The following CYP39A1 variants were observed in gnomAD, a reference collection of about 807,000 sequenced individuals.
The protein encoded by CYP39A1 is 24-hydroxycholesterol 7-alpha-hydroxylase.
In CYP39A1, 49 loss-of-function variants were observed where a neutral mutation model predicts 58.1. The observed-to-expected ratio is 0.84, with a 90% CI of 0.67 to 1.07. The LOEUF is 1.07. Among genes scored for constraint, CYP39A1 ranks in the 50% least tolerant of loss-of-function variants. The probability of loss-of-function intolerance (pLI) is 0.00; values close to 1 mark genes in which losing one functional copy is unlikely to be tolerated. For synonymous variants in CYP39A1, 209 were observed against 187.6 expected, an observed-to-expected ratio of 1.11 and a Z score of -0.93; for missense variants, 531 against 539.4, an observed-to-expected ratio of 0.98 and a Z score of 0.16.
chr6:46,568,710 T>C (rs566644931), intron 10 of CYP39A1, among the ~76,000 whole-genome samples: 1 of 152,162 alleles, frequency 6.6e-6, no homozygotes, highest in Non-Finnish European at 1.5e-5. Context: ...TATTCCAGGG[T>C]CTATTTCTGG....
chr6:46,629,146 A>C (rs1228741385), intron 6 of CYP39A1, among the ~76,000 whole-genome samples: 3 of 152,160 alleles, frequency 2.0e-5, no homozygotes, highest in African/African-American at 7.2e-5. Context: ...AGGTGCCAAC[A>C]AGAGCCAGTG....
chr6:46,604,779 A>T (rs930697213), intron 7 of CYP39A1, among the ~76,000 whole-genome samples: 1 of 152,178 alleles, frequency 6.6e-6, no homozygotes, highest in Admixed American at 6.5e-5. Context: ...ATGTATTTTA[A>T]ATAGACTAAG....
At position 46,550,058 on chromosome 6, in the gene CYP39A1, A is replaced by G. The variant is rs775402090; in HGVS notation, c.*308T>C. ...TTTTCATTCAAATGACATTATTTCTATTTAATGTTTTAATACAGTTATGCA... is the reference window on the plus strand; with the variant it reads ...TTTTCATTCAAATGACATTATTTCTGTTTAATGTTTTAATACAGTTATGCA... On this transcript the variant is annotated 3_prime_UTR_variant, in exon 12 of 12. Transcript: ENST00000275016. The G allele has an allele frequency of 4.4e-5, 10 of 229,024 alleles. No individual in the cohort carries two copies. Among genetic ancestry groups the G allele is most frequent in the Admixed American group, 1.7e-4 (3 of 17,686 alleles). The allele number at this position is 229,024 out of a possible 1,614,324, so 14.2% of individuals were successfully genotyped here.
chr6:46,568,481 A>G (rs1368921226), intron 10 of CYP39A1, among the ~76,000 whole-genome samples: 1 of 150,700 alleles, frequency 6.6e-6, no homozygotes, highest in Non-Finnish European at 1.5e-5. Context: ...GCCAAATCCA[A>G]TGTCATAAAG....
In CYP39A1 at chr6:46,550,314, G is replaced by A; in HGVS notation, c.*52C>T. Reference sequence around the variant, plus strand: ...GCTCAGGTCTAGGTGCTGCCAGGTGGGGTAGTGCCACTCCTCCAGAAGGCC... The same window carrying A: ...GCTCAGGTCTAGGTGCTGCCAGGTGAGGTAGTGCCACTCCTCCAGAAGGCC... On this transcript the variant is annotated 3_prime_UTR_variant, in exon 12 of 12. Transcript: ENST00000275016. The A allele has an allele frequency of 6.7e-7, 1 of 1,484,242 alleles. No individual in the cohort carries two copies. Among genetic ancestry groups the A allele is most frequent in the Non-Finnish European group, 9.3e-7 (1 of 1,069,694 alleles). 91.9% of individuals were successfully genotyped at this position (1,484,242 alleles called of 1,614,324 possible).
chr6:46,550,507 T>C, intron 11 of CYP39A1, 70 bp from the exon 12 acceptor site: 1 of 1,382,156 alleles, frequency 7.2e-7, no homozygotes, highest in Non-Finnish European at 9.9e-7. Context: ...CTAAGGTTTA[T>C]TCCATTGTAA....
chr6:46,580,592 T>A (rs971764734), intron 10 of CYP39A1, among the ~76,000 whole-genome samples: 1 of 152,096 alleles, frequency 6.6e-6, no homozygotes, highest in Non-Finnish European at 1.5e-5. Context: ...GAGAAAATAT[T>A]TGGCATATGC....
chr6:46,611,479 A>G (rs139739743), intron 7 of CYP39A1, among the ~76,000 whole-genome samples: 199 of 152,326 alleles, frequency 1.3e-3, no homozygotes, highest in African/African-American at 4.6e-3. Flanking sequence ...ACGTGCACAT[A>G]TTAAATATCC....
intron 7 of CYP39A1, among the ~76,000 whole-genome samples, chr6:46,596,325 A>G (rs999900378): frequency 2.0e-5 from 3 of 152,062 alleles, no homozygotes; most frequent in Non-Finnish European, 2.9e-5. Context: ...GACACAAAAA[A>G]CTAAGCCAAT....
At chr6:46,638,490 TTACTGTAGCA>T (rs1776134391) in intron 3 of CYP39A1, among the ~76,000 whole-genome samples, 1 of 152,160 alleles carries the variant, frequency 6.6e-6, no homozygotes, top group Non-Finnish European at 1.5e-5. Flanking sequence ...AATAAAGTGA[TTACTGTAGCA>T]TACTTAAGAT....
intron 6 of CYP39A1, among the ~76,000 whole-genome samples, chr6:46,627,296 C>T (rs1224739530): frequency 6.6e-6 from 1 of 152,066 alleles, no homozygotes; most frequent in Non-Finnish European, 1.5e-5. Context: ...TTACGCAAAA[C>T]GGATGTTCAT....
intron 10 of CYP39A1, among the ~76,000 whole-genome samples, chr6:46,585,577 T>C (rs547372125): frequency 1.1e-4 from 17 of 152,226 alleles, no homozygotes; most frequent in African/African-American, 3.6e-4. Context: ...GTGTGTTATA[T>C]GATGTCCCTA....
chr6:46,627,898 G>A (rs931007036), intron 6 of CYP39A1, among the ~76,000 whole-genome samples: 1 of 152,136 alleles, frequency 6.6e-6, no homozygotes, highest in African/African-American at 2.4e-5. Context: ...TTGGGAAAGG[G>A]GTTGAAAACT....
chr6:46,588,982 A>G (rs1772647424), intron 8 of CYP39A1, among the ~76,000 whole-genome samples: 1 of 152,122 alleles, frequency 6.6e-6, no homozygotes, highest in African/African-American at 2.4e-5. Context: ...CAAGTTTTAT[A>G]ATTGCTAGAT....
At chr6:46,595,299 A>C (rs1773082088) in intron 8 of CYP39A1, among the ~76,000 whole-genome samples, 2 of 152,046 alleles carry the variant, frequency 1.3e-5, no homozygotes, top group South Asian at 4.1e-4. Context: ...TAGCAATCCC[A>C]CTACTGGGTA....
In CYP39A1 at chr6:46,564,185, AT is replaced by A. The variant is rs201382942; in HGVS notation, c.1251-10332del. 5.4e-4 allele frequency among the ~76,000 whole-genome samples: 56 copies of A among 102,870 alleles called. 4 individuals are homozygous for A. The highest frequency in any genetic ancestry group is 3.3e-3 in the South Asian group (10 of 3,040). The allele number at this position is 102,870 out of a possible 152,430, so 67.5% of individuals were successfully genotyped here. A position where few individuals can be genotyped will look rare whatever the true frequency, so the allele number is the denominator to read the frequency against. ...ATTCTATTTTATTCTATTTTATTCT[AT>A]TTTATTTTATTTTATTTTATTTTAA... On this transcript the variant is annotated intron_variant, in intron 10 of 11. Coordinates refer to ENST00000275016, the MANE Select transcript of CYP39A1 (RefSeq NM_016593.5).
At chr6:46,647,733 G>GA (rs1201525067) in intron 1 of CYP39A1, among the ~76,000 whole-genome samples, 2 of 152,184 alleles carry the variant, frequency 1.3e-5, no homozygotes, top group Non-Finnish European at 2.9e-5. Flanking sequence ...TTCCAGTGAT[G>GA]ATGAGCATTT....
chr6:46,571,103 C>T (rs1771564263), intron 10 of CYP39A1, among the ~76,000 whole-genome samples: 1 of 152,100 alleles, frequency 6.6e-6, no homozygotes, highest in South Asian at 2.1e-4. Flanking sequence ...GATATGCCTT[C>T]AACTTTCTTA....
At chr6:46,551,309 A>G (rs1770380366) in intron 11 of CYP39A1, among the ~76,000 whole-genome samples, 1 of 151,872 alleles carries the variant, frequency 6.6e-6, no homozygotes, top group African/African-American at 2.4e-5. Flanking sequence ...ACTTTTCTAC[A>G]AAGGGGATCC....
Sources: allele counts gnomAD v4.1 joint callset (sites outside exome capture counted in the v4.1 genomes callset), GRCh38; gene constraint gnomAD v4.1.1; transcripts MANE v1.5; gene names NCBI Gene and HGNC (gene_info 2026-07-23, HGNC 2026-07-21).